TERT: variants seen among roughly 807,000 people sequenced by gnomAD.
TERT encodes telomerase reverse transcriptase.
In TERT, 42 loss-of-function variants were observed where a neutral mutation model predicts 104.0. The ratio of observed to expected loss-of-function variants is 0.40; its 90% CI spans 0.32 to 0.52. The LOEUF (loss-of-function observed/expected upper bound fraction) is 0.52, where lower values mean the gene tolerates loss of function less well. Ranked by LOEUF, TERT falls within the 20% of genes least tolerant of loss-of-function variation. The pLI, the probability that TERT is intolerant of heterozygous loss-of-function variation, is 0.43. For missense variants in TERT, 1,101 were observed against 1,610.3 expected, an observed-to-expected ratio of 0.68 and a Z score of 5.41; for synonymous variants, 781 against 725.6, an observed-to-expected ratio of 1.08 and a Z score of -1.23.
chr5:1,291,767 G>A (rs1201522264), intron 2 of TERT, among the ~76,000 whole-genome samples: 24 of 152,202 alleles, frequency 1.6e-4, no homozygotes, highest in African/African-American at 5.5e-4. Context: ...GGACACCCGG[G>A]GACCACGCCT....
chr5:1,269,565 C>T lies in TERT; in HGVS notation c.2469-932G>A, dbSNP rs186006477. ...GGCGGAGGTTGCAGTGAGTTGAGAT[C>T]GCGCCACTGCACTCAAGCCCAGGCA... On this transcript the variant is annotated intron_variant, in intron 8 of 15. Coordinates refer to ENST00000310581, the MANE Select transcript of TERT (RefSeq NM_198253.3). The surrounding 1 kb of genome is among the most constrained non-coding windows in gnomAD (Gnocchi z 9.0). 3.3e-5 allele frequency among the ~76,000 whole-genome samples: 5 copies of T among 151,394 alleles called. No individual in the cohort carries two copies. Among genetic ancestry groups the T allele is most frequent in the African/African-American group, 7.3e-5 (3 of 41,228 alleles).
chr5:1,276,754 A>AGG (rs1749626673), intron 6 of TERT, among the ~76,000 whole-genome samples: 1 of 152,208 alleles, frequency 6.6e-6, no homozygotes, highest in Admixed American at 6.5e-5. Context: ...TTCTAAAAGG[A>AGG]GGCGCAGAAG....
chr5:1,285,122 C>A (rs1471515064), intron 2 of TERT, among the ~76,000 whole-genome samples: 1 of 87,440 alleles, frequency 1.1e-5, no homozygotes, highest in African/African-American at 4.1e-5. Flanking sequence ...CAGGGCCTGG[C>A]GACCTCACCC....
At position 1,260,609 on chromosome 5, in the gene TERT, CA is replaced by C. The variant is rs1396877919; in HGVS notation, c.2844-10del. On this transcript the variant is annotated splice_polypyrimidine_tract_variant and intron_variant, in intron 11 of 15. Transcript: ENST00000310581. The stretch of plus-strand genomic sequence containing the variant: ...TGGAGGTCCGGGCATAGCTGAGACA[CA>C]GGGGGGAATGTCAGACACAGGTGCC... The C allele has an allele frequency of 1.9e-5, 31 of 1,613,468 alleles. No individual in the cohort carries two copies. Among genetic ancestry groups the C allele is most frequent in the South Asian group, 4.4e-5 (4 of 90,864 alleles).
chr5:1,255,464 T>C lies in TERT; in HGVS notation c.3033-53A>G. ...GAAAGGCCTCCTAATCAGACGGTGC[T>C]CGTGGGTGTGGGCATGGGCCCACCG... is the stretch of plus-strand genomic sequence containing the variant. On this transcript the variant is annotated intron_variant, in intron 13 of 15. Coordinates refer to ENST00000310581, the MANE Select transcript of TERT (RefSeq NM_198253.3). This position sits in a 1 kb window ranked among gnomAD's most constrained non-coding sequence, Gnocchi z 6.9. 1.2e-6 allele frequency: 2 copies of C among 1,612,744 alleles called. No homozygotes were observed. The highest frequency in any genetic ancestry group is 1.1e-5 in the South Asian group (1 of 90,936).
Position 1,274,604 on chromosome 5 carries a change from G to A in TERT, c.2287-2324C>T, listed in dbSNP as rs1749412584. Among the ~76,000 whole-genome samples, 1 of 152,174 alleles carries A rather than the reference G, an allele frequency of 6.6e-6. No individual in the cohort carries two copies. The highest frequency in any genetic ancestry group is 1.5e-5 in the Non-Finnish European group (1 of 68,024). ...CCCTCTCACGCACAGTTCTCAGTAG[G>A]GTGTGTGCGCCTCTGAGCACCGCAT... On this transcript the variant is annotated intron_variant, in intron 6 of 15. Transcript: ENST00000310581. The surrounding 1 kb of genome is among the most constrained non-coding windows in gnomAD (Gnocchi z 5.3).
Position 1,287,175 on chromosome 5 carries a change from C to T in TERT, c.1574-4551G>A, listed in dbSNP as rs35838177. On this transcript the variant is annotated intron_variant, in intron 2 of 15. Transcript: ENST00000310581. The surrounding 1 kb of genome is among the most constrained non-coding windows in gnomAD (Gnocchi z 4.3). ...TGGAAATTCACCTACATGCTGTTAA[C>T]AGGACATACCCACACTATAAGAATA... Among the ~76,000 whole-genome samples, 4,564 of 152,188 alleles carry T rather than the reference C, an allele frequency of 0.03. 99 individuals carry two copies. The highest frequency in any genetic ancestry group is 0.15 in the Middle Eastern group (44 of 294).
intron 3 of TERT, among the ~76,000 whole-genome samples, chr5:1,281,836 C>T (rs1178052302): frequency 6.6e-6 from 1 of 152,096 alleles, no homozygotes; most frequent in Non-Finnish European, 1.5e-5. Flanking sequence ...GCCTGTAAAC[C>T]CAGCACTTTG....
chr5:1,281,835 CCCAG>C (rs1750042974), intron 3 of TERT, among the ~76,000 whole-genome samples: 1 of 152,120 alleles, frequency 6.6e-6, no homozygotes, highest in Non-Finnish European at 1.5e-5. Flanking sequence ...AGCCTGTAAA[CCCAG>C]CACTTTGGGA....
rs532523293 is a variant in TERT at position 1,263,995 on chromosome 5, C to A, written c.2843+409G>T. On this transcript the variant is annotated intron_variant, in intron 11 of 15. Coordinates refer to ENST00000310581, the MANE Select transcript of TERT (RefSeq NM_198253.3). The surrounding 1 kb of genome is among the most constrained non-coding windows in gnomAD (Gnocchi z 5.3). The stretch of plus-strand genomic sequence containing the variant: ...AAAAGGGCCCTGAAGTCTCTGGGTT[C>A]GGAGAGACTCACGCCCAGCAGGGCC... Among the ~76,000 whole-genome samples the A allele has an allele frequency of 6.6e-6, 1 of 151,582 alleles. No homozygotes were observed. Among genetic ancestry groups the A allele is most frequent in the Admixed American group, 6.6e-5 (1 of 15,250 alleles).
At chr5:1,282,685 C>A in intron 2 of TERT, 61 bp from the exon 3 acceptor site, 6 of 1,559,990 alleles carry the variant, frequency 3.8e-6, no homozygotes, top group Non-Finnish European at 5.3e-6. Flanking sequence ...TCACCCCGGA[C>A]CTGCACCATC....
In TERT at chr5:1,294,305, C is replaced by T. The variant is rs1579598204; in HGVS notation, c.581G>A (p.Arg194Gln). Reference sequence around the variant, plus strand: ...GGCCCGTTCGCATCCCAGACGCCTTCGGGGTCCACTAGCGTGTGGCGGGGG... The same window carrying T: ...GGCCCGTTCGCATCCCAGACGCCTTTGGGGTCCACTAGCGTGTGGCGGGGG... ...ARPPPHASGP[R>Q]RRLGCERAWN... The change falls in exon 2 of 16, where the codon CGA becomes CAA. Residue 194 changes from arginine to glutamine, a missense_variant. Arg to Gln is a conservative substitution (Grantham distance 43). Around this residue, in one of 5 missense-constraint regions of TERT, gnomAD observed 504 missense variants for 544.6 expected, o/e 0.93. Transcript: ENST00000310581. 1.9e-6 allele frequency: 3 copies of T among 1,592,712 alleles called. No homozygotes were observed. The highest frequency in any genetic ancestry group is 1.7e-6 in the Non-Finnish European group (2 of 1,175,994).
In TERT at chr5:1,287,725, G is replaced by A. The variant is rs554317694; in HGVS notation, c.1574-5101C>T. On this transcript the variant is annotated intron_variant, in intron 2 of 15. Coordinates refer to ENST00000310581, the MANE Select transcript of TERT (RefSeq NM_198253.3). The surrounding 1 kb of genome is among the most constrained non-coding windows in gnomAD (Gnocchi z 4.3). ...ATGCCTCACATAAATGCTACCAAAC[G>A]AGAAGAAATGAACAGACCCATCCCC... Among the ~76,000 whole-genome samples the A allele has an allele frequency of 8.5e-5, 13 of 152,068 alleles. No individual in the cohort carries two copies. In the East Asian group the frequency reaches 2.1e-3, roughly 25 times the overall value.
Position 1,293,697 on chromosome 5 carries a change from G to T in TERT, c.1189C>A (p.Leu397Ile). Residue 397 changes from leucine to isoleucine, a missense_variant, in exon 2 of 16, where the codon CTT (leucine) becomes ATT (isoleucine). Around this residue, in one of 5 missense-constraint regions of TERT, gnomAD observed 504 missense variants for 544.6 expected, o/e 0.93. Coordinates refer to ENST00000310581, the MANE Select transcript of TERT (RefSeq NM_198253.3). ...WQMRPLFLEL[L>I]GNHAQCPYGV... ...TAGGGGCACTGCGCGTGGTTCCCAA[G>T]CAGCTCCAGAAACAGGGGCCGCATT... 1 of 1,575,226 alleles carries T rather than the reference G, an allele frequency of 6.3e-7. No individual in the cohort carries two copies. Among genetic ancestry groups the T allele is most frequent in the Admixed American group, 1.9e-5 (1 of 53,354 alleles).
At chr5:1,273,955 C>T (rs921746136) in intron 6 of TERT, among the ~76,000 whole-genome samples, 7 of 152,224 alleles carry the variant, frequency 4.6e-5, no homozygotes, top group East Asian at 1.9e-4. Context: ...AGTCTGAAGA[C>T]GCGGGAGAGA....
At chr5:1,272,519 C>G (rs1287908783) in intron 6 of TERT, among the ~76,000 whole-genome samples, 3 of 148,882 alleles carry the variant, frequency 2.0e-5, no homozygotes, top group Non-Finnish European at 2.9e-5. Flanking sequence ...ACCCCTGTGA[C>G]CGATCACCAT....
Position 1,288,485 on chromosome 5 carries a change from C to A in TERT, c.1573+4828G>T, listed in dbSNP as rs912383547. On this transcript the variant is annotated intron_variant, in intron 2 of 15. Coordinates refer to ENST00000310581, the MANE Select transcript of TERT (RefSeq NM_198253.3). The surrounding 1 kb of genome is among the most constrained non-coding windows in gnomAD (Gnocchi z 5.3). ...TCTCAGAGCAGGAGACAGACAGAGACACTCCAACCTGTGGCTGGACGTCAA... is the reference window on the plus strand; with the variant it reads ...TCTCAGAGCAGGAGACAGACAGAGAAACTCCAACCTGTGGCTGGACGTCAA... 6.6e-6 allele frequency among the ~76,000 whole-genome samples: 1 copy of A among 152,178 alleles called. No homozygotes were observed. The highest frequency in any genetic ancestry group is 6.5e-5 in the Admixed American group (1 of 15,274).
At position 1,253,804 on chromosome 5, in the gene TERT, G is replaced by A. The variant is rs376255453; in HGVS notation, c.3323C>T (p.Pro1108Leu). The A allele has an allele frequency of 1.5e-5, 24 of 1,611,346 alleles. No individual in the cohort carries two copies. The highest frequency in any genetic ancestry group is 1.1e-4 in the African/African-American group (8 of 75,056). The stretch of plus-strand genomic sequence containing the variant: ...CTCCAGGGCAGTCAGCGTCGTCCCC[G>A]GGAGCTTCCGACTCAGCTGCGTCTG... ...TAQTQLSRKLPGTTLTALEAA... is the reference protein window; with the variant it reads ...TAQTQLSRKLLGTTLTALEAA... The change falls in exon 16 of 16, where the codon CCG (proline) becomes CTG (leucine). Residue 1108 changes from proline to leucine, a missense_variant. By Grantham distance (98) the Pro-to-Leu change is moderately conservative. Transcript: ENST00000310581.
intron 7 of TERT, among the ~76,000 whole-genome samples, chr5:1,271,972 G>A (rs1010747131): frequency 3.3e-5 from 5 of 152,256 alleles, no homozygotes; most frequent in African/African-American, 7.2e-5. Context: ...GCAGTCAAAC[G>A]TGAGCAGGTG....
Sources: gnomAD v4.1 joint callset for allele counts (sites outside exome capture counted in the v4.1 genomes callset) on GRCh38, gnomAD v4.1.1 for gene constraint, gnomAD v4.1.1 regional missense constraint, Gnocchi (gnomAD v3.1) non-coding constraint, MANE v1.5 for transcripts, NCBI Gene and HGNC (gene_info 2026-07-23, HGNC 2026-07-21) for gene names.